Variants in DESI1 observed in about 807,000 individuals in gnomAD.
The protein encoded by DESI1 is PPPDE peptidase domain containing 2.
In DESI1, 17 loss-of-function variants were observed where a neutral mutation model predicts 22.4. The observed-to-expected ratio is 0.76, with a 90% CI of 0.52 to 1.14. The LOEUF (loss-of-function observed/expected upper bound fraction) is 1.14, where lower values mean the gene tolerates loss of function less well. Ranked by LOEUF, DESI1 falls within the 50% of genes most tolerant of loss-of-function variation. The pLI is 0.00. For missense variants in DESI1, 177 were observed against 208.9 expected (o/e 0.85, Z 0.94); for synonymous variants, 92 against 84.2 (o/e 1.09, Z -0.51).
chr22:41,604,351 T>A (rs1319062864), intron 3 of DESI1, 198 bp from the exon 4 acceptor site: 6 of 441,740 alleles, frequency 1.4e-5, no homozygotes, highest in Non-Finnish European at 2.0e-5. Context: ...GTTCAAGTGA[T>A]CCTCCTGCCT....
intron 1 of DESI1, among the ~76,000 whole-genome samples, chr22:41,613,414 G>A (rs1019423215): frequency 6.6e-6 from 1 of 152,202 alleles, no homozygotes. Flanking sequence ...TAATTTGAAA[G>A]TTTTATAGTT....
intron 4 of DESI1, among the ~76,000 whole-genome samples, chr22:41,603,593 TAC>T (rs1283667252): frequency 1.3e-5 from 2 of 152,248 alleles, no homozygotes; most frequent in Admixed American, 6.5e-5. Context: ...ACATGGCTCC[TAC>T]ACAGTTTCAG....
intron 1 of DESI1, among the ~76,000 whole-genome samples, chr22:41,615,423 CAA>C (rs909976942): frequency 2.8e-5 from 4 of 141,196 alleles, no homozygotes; most frequent in Non-Finnish European, 1.6e-5. Flanking sequence ...GACTCTGTCT[CAA>C]AAAAAAAAAG....
At chr22:41,609,010 C>G (rs749155703) in intron 1 of DESI1, among the ~76,000 whole-genome samples, 17 of 152,164 alleles carry the variant, frequency 1.1e-4, no homozygotes, top group Non-Finnish European at 1.6e-4. Flanking sequence ...GACGTGATCT[C>G]GGCTCATTGC....
chr22:41,620,885 C>A lies in DESI1; in HGVS notation c.-46G>T. On this transcript the variant is annotated 5_prime_UTR_variant, in exon 1 of 6. Coordinates refer to ENST00000263256, the MANE Select transcript of DESI1 (RefSeq NM_015704.3). ...GCCACGACGGCCCTCGGGCACCCGG[C>A]AGCGGCTTGGACCTTCCCGTACCCG... 1 of 1,577,288 alleles carries A rather than the reference C, an allele frequency of 6.3e-7. No homozygotes were observed. The highest frequency in any genetic ancestry group is 8.6e-7 in the Non-Finnish European group (1 of 1,161,880).
chr22:41,611,820 T>C (rs2067519359), intron 1 of DESI1, among the ~76,000 whole-genome samples: 1 of 152,070 alleles, frequency 6.6e-6, no homozygotes. Flanking sequence ...CTTAAACTCC[T>C]GACCTCGTGA....
At position 41,607,115 on chromosome 22, in the gene DESI1, G is replaced by T. The variant is rs1601510929; in HGVS notation, c.180+147C>A. ...AACAGAGAGGAGAGGAACTGGCTGGGGTGTCTGGGAAAGGTTTTATTGAGC... is the reference window on the plus strand; with the variant it reads ...AACAGAGAGGAGAGGAACTGGCTGGTGTGTCTGGGAAAGGTTTTATTGAGC... On this transcript the variant is annotated intron_variant, in intron 3 of 5. Coordinates refer to ENST00000263256, the MANE Select transcript of DESI1 (RefSeq NM_015704.3). 4 of 615,112 alleles carry T rather than the reference G, an allele frequency of 6.5e-6. No homozygotes were observed. The African/African-American group carries it at 7.6e-5, about 12-fold the overall frequency. 38.1% of individuals were successfully genotyped at this position (615,112 alleles called of 1,614,324 possible).
intron 3 of DESI1, among the ~76,000 whole-genome samples, chr22:41,606,209 A>G (rs1015382000): frequency 3.3e-5 from 5 of 152,086 alleles, no homozygotes; most frequent in African/African-American, 1.2e-4. Context: ...AAAAATAGAA[A>G]AAAATAGCAG....
intron 1 of DESI1, among the ~76,000 whole-genome samples, chr22:41,615,459 G>A (rs1277246280): frequency 6.6e-6 from 1 of 151,390 alleles, no homozygotes; most frequent in African/African-American, 2.4e-5. Context: ...GCAGAATCAC[G>A]CAGGGCCTTG....
At chr22:41,617,775 T>C (rs917181141) in intron 1 of DESI1, among the ~76,000 whole-genome samples, 1 of 152,222 alleles carries the variant, frequency 6.6e-6, no homozygotes, top group African/African-American at 2.4e-5. Flanking sequence ...TGTTCCCATG[T>C]TTGGCTGAGG....
chr22:41,601,248 C>T, intron 5 of DESI1, 58 bp from the exon 6 acceptor site: 2 of 1,494,960 alleles, frequency 1.3e-6, no homozygotes, highest in Non-Finnish European at 9.0e-7. Flanking sequence ...TGCTGTCACA[C>T]ACCCTGTGCT....
At chr22:41,620,705 C>A (rs1280393926) in intron 1 of DESI1, 47 bp downstream of exon 1, 6 of 1,562,476 alleles carry the variant, frequency 3.8e-6, no homozygotes, top group East Asian at 2.4e-5. Context: ...CCGCCACCCT[C>A]TGGCCTGGCT....
intron 3 of DESI1, among the ~76,000 whole-genome samples, chr22:41,605,748 G>T (rs1464658422): frequency 6.6e-6 from 1 of 152,126 alleles, no homozygotes; most frequent in Non-Finnish European, 1.5e-5. Flanking sequence ...AAGGGAAACT[G>T]AAAAATCCCC....
In DESI1 at chr22:41,620,975, G is replaced by A. The variant is rs1237545276; in HGVS notation, c.-136C>T. 2.9e-5 allele frequency: 26 copies of A among 910,916 alleles called. No individual in the cohort carries two copies. Among genetic ancestry groups the A allele is most frequent in the Non-Finnish European group, 4.0e-5 (24 of 603,318 alleles). 56.4% of individuals were successfully genotyped at this position (910,916 alleles called of 1,614,324 possible). On this transcript the variant is annotated 5_prime_UTR_variant, in exon 1 of 6. Coordinates refer to ENST00000263256, the MANE Select transcript of DESI1 (RefSeq NM_015704.3). ...CGGGCCCGGGCTGAGGGGTGGGGGA[G>A]AGGCCGCCCTGCGCTGCTCGCGCCC... is the stretch of plus-strand genomic sequence containing the variant.
chr22:41,620,606 C>T, intron 1 of DESI1, 146 bp downstream of exon 1: 1 of 761,644 alleles, frequency 1.3e-6, no homozygotes, highest in Non-Finnish European at 2.1e-6. Flanking sequence ...AAACTTCAGA[C>T]CACTCTCTTC....
rs1414281557 is a variant in DESI1, at chr22:41,599,508, G to A, written c.*1589C>T. The A allele has an allele frequency of 1.3e-5, 2 of 152,120 alleles. No individual in the cohort carries two copies. Among genetic ancestry groups the A allele is most frequent in the Non-Finnish European group, 2.9e-5 (2 of 68,020 alleles). The allele number at this position is 152,120 out of a possible 1,614,324, so 9.4% of individuals were successfully genotyped here. ...CCTTCAAAACACATTTAGGATAAGGGAAAGTCCCTATCAGAAACGATTCTA... is the reference window on the plus strand; with the variant it reads ...CCTTCAAAACACATTTAGGATAAGGAAAAGTCCCTATCAGAAACGATTCTA... On this transcript the variant is annotated 3_prime_UTR_variant, in exon 6 of 6. Transcript: ENST00000263256.
chr22:41,606,516 G>A (rs1164181805), intron 3 of DESI1, among the ~76,000 whole-genome samples: 3 of 152,116 alleles, frequency 2.0e-5, no homozygotes, highest in Admixed American at 2.0e-4. Flanking sequence ...GCTCACGCCT[G>A]TAATCCCAGC....
At chr22:41,620,485 G>C (rs2067580661) in intron 1 of DESI1, among the ~76,000 whole-genome samples, 1 of 152,116 alleles carries the variant, frequency 6.6e-6, no homozygotes. Context: ...TCGAGGGCTC[G>C]GTTTCTGCCC....
At chr22:41,612,804 T>C (rs986611577) in intron 1 of DESI1, among the ~76,000 whole-genome samples, 1 of 150,378 alleles carries the variant, frequency 6.6e-6, no homozygotes, top group Admixed American at 6.7e-5. Flanking sequence ...TTGTCAAGCC[T>C]GGACTTGAAC....
Sources: gnomAD v4.1 joint callset for allele counts (sites outside exome capture counted in the v4.1 genomes callset) on GRCh38, gnomAD v4.1.1 for gene constraint, MANE v1.5 for transcripts, NCBI Gene and HGNC (gene_info 2026-07-23, HGNC 2026-07-21) for gene names.